PDGFD: variants seen among roughly 807,000 people sequenced by gnomAD.
PDGFD encodes platelet-derived growth factor D.
PDGFD carries 30 observed loss-of-function variants against 44.7 expected under a neutral mutation model. The observed-to-expected ratio is 0.67, with a 90% confidence interval of 0.50 to 0.91. The LOEUF is 0.91. Ranked by LOEUF, PDGFD falls within the 40% of genes least tolerant of loss-of-function variation. The probability of loss-of-function intolerance (pLI) is 0.00; values close to 1 mark genes in which losing one functional copy is unlikely to be tolerated. For synonymous variants in PDGFD, 173 were observed against 168.4 expected (o/e 1.03, Z -0.21); for missense variants, 445 against 457.8 (o/e 0.97, Z 0.25).
chr11:103,909,502 T>C lies in PDGFD; in HGVS notation c.*192A>G. 1.6e-6 allele frequency: 1 copy of C among 620,448 alleles called. No individual in the cohort carries two copies. Among genetic ancestry groups the C allele is most frequent in the Admixed American group, 2.8e-5 (1 of 35,678 alleles). The allele number at this position is 620,448 out of a possible 1,614,324, so 38.4% of individuals were successfully genotyped here. ...TTAAATGCAATCCTATATTCTTAGG[T>C]ATAGAAGTTGATGATATACCTTTCT... On this transcript the variant is annotated 3_prime_UTR_variant, in exon 7 of 7. Transcript: ENST00000393158.
At chr11:104,116,168 T>G (rs1352853932) in intron 1 of PDGFD, among the ~76,000 whole-genome samples, 1 of 152,096 alleles carries the variant, frequency 6.6e-6, no homozygotes, top group South Asian at 2.1e-4. Context: ...TTTCAGGTCT[T>G]AGATTTAAGC....
At chr11:104,041,182 T>C (rs1860344927) in intron 1 of PDGFD, among the ~76,000 whole-genome samples, 1 of 152,032 alleles carries the variant, frequency 6.6e-6, no homozygotes. Context: ...CCCAGACAGA[T>C]TTTTATACAT....
intron 5 of PDGFD, among the ~76,000 whole-genome samples, chr11:103,932,263 T>G (rs1858413966): frequency 6.6e-6 from 1 of 152,196 alleles, no homozygotes; most frequent in South Asian, 2.1e-4. Context: ...ATTCTGTTTT[T>G]CACTTTCAGT....
chr11:103,929,797 A>G (rs911399174), intron 5 of PDGFD, among the ~76,000 whole-genome samples: 10 of 152,306 alleles, frequency 6.6e-5, no homozygotes, highest in East Asian at 3.9e-4. Flanking sequence ...AAGAAGACTG[A>G]TAAGCCAGTG....
chr11:103,938,819 C>T (rs1858534449), intron 5 of PDGFD, among the ~76,000 whole-genome samples: 1 of 152,140 alleles, frequency 6.6e-6, no homozygotes, highest in Non-Finnish European at 1.5e-5. Flanking sequence ...GGAATCCTTT[C>T]CCCATTGCTT....
rs118154795 is a variant in PDGFD at position 103,965,533 on chromosome 11, T to C, written c.511-17809A>G. On this transcript the variant is annotated intron_variant, in intron 3 of 6. Transcript: ENST00000393158. ...ATGCAAAGTTCTGCACAATATCGTG[T>C]GCACTGCTATGTTAACAGGATATGT... Among the ~76,000 whole-genome samples the C allele has an allele frequency of 3.2e-3, 488 of 152,340 alleles. 1 individual carries two copies. Among genetic ancestry groups the C allele is most frequent in the Non-Finnish European group, 5.5e-3 (374 of 68,030 alleles).
At chr11:104,132,403 T>C (rs1861937906) in intron 1 of PDGFD, among the ~76,000 whole-genome samples, 1 of 152,104 alleles carries the variant, frequency 6.6e-6, no homozygotes. Flanking sequence ...AACAAGATAA[T>C]TACCTACTTC....
chr11:103,998,950 G>A (rs978724030), intron 2 of PDGFD, among the ~76,000 whole-genome samples: 3 of 152,022 alleles, frequency 2.0e-5, no homozygotes, highest in Non-Finnish European at 2.9e-5. Flanking sequence ...TTTTAATAGC[G>A]TCTTTTTCCC....
chr11:104,142,188 T>C (rs532548451), intron 1 of PDGFD, among the ~76,000 whole-genome samples: 1 of 152,096 alleles, frequency 6.6e-6, no homozygotes, highest in Non-Finnish European at 1.5e-5. Context: ...TGCATGCCTG[T>C]ACATACATAT....
intron 3 of PDGFD, among the ~76,000 whole-genome samples, chr11:103,978,940 C>T (rs528379133): frequency 1.3e-5 from 2 of 152,068 alleles, no homozygotes; most frequent in East Asian, 3.9e-4. Flanking sequence ...CTGCTTCATA[C>T]ATTAAGGATT....
In PDGFD at chr11:103,908,571, A is replaced by T. The variant is rs1857975591; in HGVS notation, c.*1123T>A. The stretch of plus-strand genomic sequence containing the variant: ...CACAAAAGCTTTTAGGTTGTAAATA[A>T]TCTATGATGGCCTGCCAAATATAAA... On this transcript the variant is annotated 3_prime_UTR_variant, in exon 7 of 7. Transcript: ENST00000393158. 6.6e-6 allele frequency: 1 copy of T among 152,240 alleles called. No individual in the cohort carries two copies. The highest frequency in any genetic ancestry group is 2.4e-5 in the African/African-American group (1 of 41,466). 9.4% of individuals were successfully genotyped at this position (152,240 alleles called of 1,614,324 possible). A position where few individuals can be genotyped will look rare whatever the true frequency, so the allele number is the denominator to read the frequency against.
At chr11:103,985,860 G>C (rs1286677419) in intron 3 of PDGFD, among the ~76,000 whole-genome samples, 1 of 152,124 alleles carries the variant, frequency 6.6e-6, no homozygotes, top group Non-Finnish European at 1.5e-5. Flanking sequence ...ATTGGAGATG[G>C]GGGAGACAGG....
intron 1 of PDGFD, among the ~76,000 whole-genome samples, chr11:104,035,555 CTTTTTCT>C (rs1765230882): frequency 1.8e-5 from 2 of 111,496 alleles, no homozygotes; most frequent in Non-Finnish European, 3.5e-5. Flanking sequence ...TTCCTTACTT[CTTTTTCT>C]TTTTTTTTTT....
chr11:104,088,381 A>C (rs566427890), intron 1 of PDGFD, among the ~76,000 whole-genome samples: 1 of 152,238 alleles, frequency 6.6e-6, no homozygotes, highest in East Asian at 1.9e-4. Flanking sequence ...GTGGAGCTCA[A>C]TACATCACTT....
At chr11:103,925,216 TG>T (rs1858287727) in intron 6 of PDGFD, among the ~76,000 whole-genome samples, 1 of 152,204 alleles carries the variant, frequency 6.6e-6, no homozygotes, top group African/African-American at 2.4e-5. Flanking sequence ...GATGGGCATT[TG>T]GGTTGGTTCC....
chr11:103,994,997 G>A (rs1859514903), intron 3 of PDGFD, among the ~76,000 whole-genome samples: 1 of 151,526 alleles, frequency 6.6e-6, no homozygotes, highest in Non-Finnish European at 1.5e-5. Flanking sequence ...TCCTGCCTCA[G>A]CTTCCCCAGT....
intron 1 of PDGFD, among the ~76,000 whole-genome samples, chr11:104,100,233 T>C (rs1861354216): frequency 6.6e-6 from 1 of 151,944 alleles, no homozygotes; most frequent in Admixed American, 6.6e-5. Flanking sequence ...GAAATGTGGA[T>C]GCCCTGAAGA....
At chr11:104,096,549 C>T (rs1184685759) in intron 1 of PDGFD, among the ~76,000 whole-genome samples, 1 of 152,158 alleles carries the variant, frequency 6.6e-6, no homozygotes, top group Non-Finnish European at 1.5e-5. Flanking sequence ...ACACAAGGCA[C>T]TCAGAGTGAC....
intron 1 of PDGFD, among the ~76,000 whole-genome samples, chr11:104,110,667 T>A (rs1408836045): frequency 6.6e-6 from 1 of 152,174 alleles, no homozygotes; most frequent in African/African-American, 2.4e-5. Flanking sequence ...AAAGAAATCC[T>A]CCACGCTGTG....
Sources: allele counts gnomAD v4.1 joint callset (sites outside exome capture counted in the v4.1 genomes callset), GRCh38; gene constraint gnomAD v4.1.1; transcripts MANE v1.5; gene names NCBI Gene and HGNC (gene_info 2026-07-23, HGNC 2026-07-21).